The following UTRN variants were observed in gnomAD, a reference collection of about 807,000 sequenced individuals.
UTRN encodes dystrophin-related protein 1.
A neutral mutation model predicts 463.9 loss-of-function variants in UTRN; 283 were observed. The observed-to-expected ratio is 0.61, with a 90% CI of 0.55 to 0.67. The LOEUF is 0.67. Among genes scored for constraint, UTRN ranks in the 30% least tolerant of loss-of-function variants. The pLI, the probability that UTRN is intolerant of heterozygous loss-of-function variation, is 0.00. For missense variants in UTRN, 3,922 were observed against 4,084.3 expected, an observed-to-expected ratio of 0.96 and a Z score of 1.08; for synonymous variants, 1,442 against 1,431.5, an observed-to-expected ratio of 1.01 and a Z score of -0.17.
At chr6:144,469,225 A>G (rs1404144271) in intron 23 of UTRN, among the ~76,000 whole-genome samples, 1 of 152,226 alleles carries the variant, frequency 6.6e-6, no homozygotes, top group Non-Finnish European at 1.5e-5. Context: ...ATGCAAACAC[A>G]TGCTCATCCT....
At chr6:144,524,989 C>T (rs1796440529) in intron 41 of UTRN, among the ~76,000 whole-genome samples, 1 of 152,064 alleles carries the variant, frequency 6.6e-6, no homozygotes, top group Admixed American at 6.5e-5. Flanking sequence ...TGTGGTGTAT[C>T]ACATTTATTG....
intron 2 of UTRN, among the ~76,000 whole-genome samples, chr6:144,299,009 A>G (rs2473138): frequency 0.15 from 22,846 of 152,192 alleles, 2,304 homozygotes; most frequent in African/African-American, 0.28. Flanking sequence ...GCAGGAAATA[A>G]CATTTTGAGG....
intron 50 of UTRN, among the ~76,000 whole-genome samples, chr6:144,575,484 A>G (rs982979211): frequency 2.0e-5 from 3 of 152,194 alleles, no homozygotes; most frequent in Non-Finnish European, 4.4e-5. Flanking sequence ...CAATTTGTAT[A>G]CAGTAGTCCC....
intron 74 of UTRN, among the ~76,000 whole-genome samples, chr6:144,850,179 G>T (rs558662337): frequency 1.3e-5 from 2 of 152,218 alleles, no homozygotes; most frequent in Non-Finnish European, 2.9e-5. Context: ...CTAGGCCAGA[G>T]TCAAATGAGT....
chr6:144,572,847 A>G (rs1801080836), intron 50 of UTRN, among the ~76,000 whole-genome samples: 1 of 152,182 alleles, frequency 6.6e-6, no homozygotes, highest in Admixed American at 6.5e-5. Flanking sequence ...AAATAGTGCT[A>G]CAGTAAACAT....
At chr6:144,661,828 T>C (rs1398345755) in intron 51 of UTRN, among the ~76,000 whole-genome samples, 2 of 152,180 alleles carry the variant, frequency 1.3e-5, no homozygotes, top group African/African-American at 4.8e-5. Flanking sequence ...CTGCCTCAGC[T>C]TCAAGCCATT....
chr6:144,535,362 A>G (rs547156942), intron 43 of UTRN, among the ~76,000 whole-genome samples: 108 of 152,326 alleles, frequency 7.1e-4, no homozygotes, highest in Middle Eastern at 3.4e-3. Context: ...AATTACAGGC[A>G]TGAGCCACTG....
chr6:144,652,910 G>A (rs927104839), intron 51 of UTRN, among the ~76,000 whole-genome samples: 1 of 152,124 alleles, frequency 6.6e-6, no homozygotes, highest in Non-Finnish European at 1.5e-5. Flanking sequence ...AAAAATAATT[G>A]TCTCCAGTAG....
intron 51 of UTRN, among the ~76,000 whole-genome samples, chr6:144,580,427 A>C (rs1801863454): frequency 6.6e-6 from 1 of 152,212 alleles, no homozygotes; most frequent in South Asian, 2.1e-4. Flanking sequence ...AGTTTATTCT[A>C]TGCTCAGTTT....
At chr6:144,811,100 A>C (rs1043939703) in intron 65 of UTRN, among the ~76,000 whole-genome samples, 1 of 152,048 alleles carries the variant, frequency 6.6e-6, no homozygotes, top group Non-Finnish European at 1.5e-5. Context: ...TTTAAAAGAT[A>C]AATTGTGCCT....
intron 58 of UTRN, among the ~76,000 whole-genome samples, chr6:144,769,941 T>G (rs1239472733): frequency 6.6e-6 from 1 of 152,242 alleles, no homozygotes; most frequent in Non-Finnish European, 1.5e-5. Flanking sequence ...TGTAAAGCTC[T>G]GAGCCTAATG....
chr6:144,532,620 C>G (rs577093751), intron 42 of UTRN, among the ~76,000 whole-genome samples: 9 of 152,218 alleles, frequency 5.9e-5, no homozygotes, highest in Non-Finnish European at 8.8e-5. Context: ...CAAACCATAT[C>G]AACCAGTGAA....
At chr6:144,629,037 T>G (rs1470475482) in intron 51 of UTRN, among the ~76,000 whole-genome samples, 1 of 152,160 alleles carries the variant, frequency 6.6e-6, no homozygotes, top group Non-Finnish European at 1.5e-5. Flanking sequence ...CATTGGTAGC[T>G]CTCTTTATGA....
rs1301795038 is a variant in UTRN at position 144,827,594 on chromosome 6, GT to G, written c.9534-10del. The G allele has an allele frequency of 5.6e-6, 9 of 1,612,754 alleles. No homozygotes were observed. The highest frequency in any genetic ancestry group is 4.0e-5 in the African/African-American group (3 of 74,798). The stretch of plus-strand genomic sequence containing the variant: ...TATTTGGGCATAAAATTATTGCTTT[GT>G]TTTTTTCTTTTAAAGCCCCTCACAA... On this transcript the variant is annotated splice_polypyrimidine_tract_variant and intron_variant, in intron 67 of 74. Coordinates refer to ENST00000367545, the MANE Select transcript of UTRN (RefSeq NM_007124.3).
rs1489700644 is a variant in UTRN, at chr6:144,448,672, A to G, written c.1975A>G (p.Arg659Gly). The G allele has an allele frequency of 6.2e-7, 1 of 1,614,066 alleles. No homozygotes were observed. The highest frequency in any genetic ancestry group is 1.7e-5 in the Admixed American group (1 of 60,012). ...GGACCTTTTGGAGACTGTTCGTGTA[A>G]GAGAACAAGCAATTACAAAAAAATC... is the stretch of plus-strand genomic sequence containing the variant. Reference protein sequence around the residue: ...QKDLLETVRVREQAITKKSKQ... With the variant: ...QKDLLETVRVGEQAITKKSKQ... Residue 659 changes from arginine (R) to glycine (G), a missense_variant, in exon 17 of 75, where the codon AGA becomes GGA. Physicochemically the swap from Arg to Gly is moderately radical, Grantham distance 125 (BLOSUM62 -2). This residue lies in a region of UTRN where 2,349 missense variants were observed against 2,303.8 expected (regional missense o/e 1.02). Transcript: ENST00000367545.
intron 2 of UTRN, among the ~76,000 whole-genome samples, chr6:144,392,433 A>G (rs566671767): frequency 6.6e-6 from 1 of 152,344 alleles, no homozygotes; most frequent in South Asian, 2.1e-4. Context: ...ATGTCTAGAA[A>G]ATATTTTGAC....
chr6:144,644,954 A>G (rs1189822036), intron 51 of UTRN, among the ~76,000 whole-genome samples: 1 of 152,178 alleles, frequency 6.6e-6, no homozygotes, highest in Non-Finnish European at 1.5e-5. Context: ...GCTAATGTGG[A>G]TTCCTGTAAC....
At chr6:144,511,505 C>T (rs778172960) in intron 35 of UTRN, among the ~76,000 whole-genome samples, 8 of 152,238 alleles carry the variant, frequency 5.3e-5, no homozygotes, top group East Asian at 1.9e-4. Flanking sequence ...TAGCATCTGA[C>T]GGCCTATGTA....
At chr6:144,735,926 A>T (rs1789340156) in intron 54 of UTRN, among the ~76,000 whole-genome samples, 1 of 152,048 alleles carries the variant, frequency 6.6e-6, no homozygotes, top group Non-Finnish European at 1.5e-5. Context: ...GAAAAAAAAA[A>T]TACTGGTTTT....
Sources: gnomAD v4.1 joint callset for allele counts (sites outside exome capture counted in the v4.1 genomes callset) on GRCh38, gnomAD v4.1.1 for gene constraint, gnomAD v4.1.1 regional missense constraint, MANE v1.5 for transcripts, NCBI Gene and HGNC (gene_info 2026-07-23, HGNC 2026-07-21) for gene names.